The following CTNND1 variants were observed in gnomAD, a reference collection of about 807,000 sequenced individuals.
CTNND1 encodes catenin delta-1.
CTNND1 carries 16 observed loss-of-function variants against 112.1 expected under a neutral mutation model. That is an observed-to-expected ratio of 0.14 (90% CI 0.10 to 0.22). The LOEUF (loss-of-function observed/expected upper bound fraction) is 0.22. Ranked by LOEUF, CTNND1 falls within the 10% of genes least tolerant of loss-of-function variation. The pLI, the probability that CTNND1 is intolerant of heterozygous loss-of-function variation, is 1.00. For synonymous variants in CTNND1, 420 were observed against 446.5 expected (o/e 0.94, Z 0.75); for missense variants, 1,008 against 1,257.0 (o/e 0.80, Z 3.00).
At chr11:57,781,900 C>G (rs1433317451) in intron 1 of CTNND1, among the ~76,000 whole-genome samples, 1 of 152,088 alleles carries the variant, frequency 6.6e-6, no homozygotes, top group African/African-American at 2.4e-5. Context: ...GGCTTCAAAG[C>G]CAGCCCAGCA....
At chr11:57,816,123 C>G in intron 20 of CTNND1, 122 bp downstream of exon 20, 1 of 1,135,622 alleles carries the variant, frequency 8.8e-7, no homozygotes, top group East Asian at 2.5e-5. Context: ...ACATGGGGCT[C>G]GAGGGGTTCT....
chr11:57,815,374 A>G lies in CTNND1; in HGVS notation c.2702-20A>G. On this transcript the variant is annotated intron_variant, in intron 18 of 20. Coordinates refer to ENST00000399050, the MANE Select transcript of CTNND1 (RefSeq NM_001085458.2). ...AGAGGGGAATGTCATATTTCTGTGTACTTTTTTTTTTTTAACCAGATAACA... is the reference window on the plus strand; with the variant it reads ...AGAGGGGAATGTCATATTTCTGTGTGCTTTTTTTTTTTTAACCAGATAACA... The G allele has an allele frequency of 6.1e-6, 8 of 1,310,352 alleles. No homozygotes were observed. Among genetic ancestry groups the G allele is most frequent in the East Asian group, 2.4e-5 (1 of 42,468 alleles). The allele number at this position is 1,310,352 out of a possible 1,614,324, so 81.2% of individuals were successfully genotyped here.
chr11:57,791,306 T>C, intron 2 of CTNND1, 79 bp from the exon 3 acceptor site: 2 of 1,200,998 alleles, frequency 1.7e-6, no homozygotes, highest in Non-Finnish European at 2.1e-6. Context: ...GAGGGCATCT[T>C]TGGCTCTGGG....
intron 3 of CTNND1, 134 bp from the exon 4 acceptor site, chr11:57,793,876 G>A (rs1238408165): frequency 2.6e-6 from 2 of 777,152 alleles, no homozygotes; most frequent in African/African-American, 1.7e-5. Context: ...TCTTTTATGA[G>A]TACTGACACA....
intron 6 of CTNND1, among the ~76,000 whole-genome samples, chr11:57,798,435 G>A (rs1376860375): frequency 2.0e-5 from 3 of 151,860 alleles, no homozygotes; most frequent in Admixed American, 6.6e-5. Flanking sequence ...AGTTGAGGAC[G>A]TGTATAAGAA....
At chr11:57,787,072 A>G (rs2060217901) in intron 1 of CTNND1, among the ~76,000 whole-genome samples, 1 of 152,234 alleles carries the variant, frequency 6.6e-6, no homozygotes, top group South Asian at 2.1e-4. Context: ...TCTTATTTGC[A>G]ATAAAACTTC....
chr11:57,793,894 C>T lies in CTNND1; in HGVS notation c.196-116C>T. On this transcript the variant is annotated intron_variant, in intron 3 of 20. Transcript: ENST00000399050. The stretch of plus-strand genomic sequence containing the variant: ...TTTATGAGTACTGACACAAGGACTC[C>T]AGGCCACACATATCTTCTTGAAAGC... 3.2e-6 allele frequency: 3 copies of T among 947,912 alleles called. No individual in the cohort carries two copies. The South Asian group carries it at 4.1e-5, about 13-fold the overall frequency. 58.7% of individuals were successfully genotyped at this position (947,912 alleles called of 1,614,324 possible).
chr11:57,794,309 C>T (rs191558740), intron 4 of CTNND1, among the ~76,000 whole-genome samples: 1 of 152,194 alleles, frequency 6.6e-6, no homozygotes, highest in South Asian at 2.1e-4. Flanking sequence ...CTCCTCCCCA[C>T]TGCCACCCCA....
rs2063847384 is a variant in CTNND1 at position 57,815,459 on chromosome 11, C to G, written c.2767C>G (p.Leu923Val). Reference protein sequence around the residue: ...HNRTLDRSGDLGDMEPLKGTT... With the variant: ...HNRTLDRSGDVGDMEPLKGTT... ...TAGAACACTGGATCGATCGGGGGAT[C>G]TAGGCGACATGGAGCCATTGAAGGG... Residue 923 changes from leucine to valine, a missense_variant, in exon 19 of 21, where the codon CTA becomes GTA. This residue lies in a region of CTNND1 where 106 missense variants were observed against 116.2 expected (regional missense o/e 0.91). Coordinates refer to ENST00000399050, the MANE Select transcript of CTNND1 (RefSeq NM_001085458.2). The G allele has an allele frequency of 6.2e-7, 1 of 1,612,448 alleles. No individual in the cohort carries two copies. The highest frequency in any genetic ancestry group is 1.1e-5 in the South Asian group (1 of 90,782).
rs1344537782 is a variant in CTNND1, at chr11:57,785,086, G to C, written c.-213-3951G>C. Among the ~76,000 whole-genome samples, 4 of 152,264 alleles carry C rather than the reference G, an allele frequency of 2.6e-5. No homozygotes were observed. In the East Asian group the frequency reaches 7.7e-4, roughly 29 times the overall value. On this transcript the variant is annotated intron_variant, in intron 1 of 20. Coordinates refer to ENST00000399050, the MANE Select transcript of CTNND1 (RefSeq NM_001085458.2). The stretch of plus-strand genomic sequence containing the variant: ...CCCCAGTCTTTTGACCCCTAATCTG[G>C]AGTTTTATTTTGTTTTTCCCTCTAA...
intron 1 of CTNND1, among the ~76,000 whole-genome samples, chr11:57,767,157 G>T (rs1387146121): frequency 6.6e-6 from 1 of 152,044 alleles, no homozygotes; most frequent in African/African-American, 2.4e-5. Context: ...ATATTTAGTA[G>T]GGATGGGTTT....
chr11:57,768,797 C>T (rs2135981696), intron 1 of CTNND1, among the ~76,000 whole-genome samples: 1 of 152,130 alleles, frequency 6.6e-6, no homozygotes, highest in Admixed American at 6.6e-5. Flanking sequence ...AAGGAGTCAG[C>T]TTTTATATGT....
At chr11:57,780,539 AC>A (rs2059466410) in intron 1 of CTNND1, among the ~76,000 whole-genome samples, 2 of 152,192 alleles carry the variant, frequency 1.3e-5, no homozygotes, top group South Asian at 4.1e-4. Context: ...AGAGGCCATT[AC>A]CTCAGCAGGT....
chr11:57,806,688 A>G (rs970673305), intron 11 of CTNND1: 1 of 633,140 alleles, frequency 1.6e-6, no homozygotes, highest in African/African-American at 1.8e-5. Context: ...AACTCAGGAC[A>G]ATAGCATCAA....
chr11:57,789,107 T>C lies in CTNND1; in HGVS notation c.-143T>C, dbSNP rs2060424862. 6.5e-7 allele frequency: 1 copy of C among 1,535,672 alleles called. No individual in the cohort carries two copies. The highest frequency in any genetic ancestry group is 1.4e-5 in the African/African-American group (1 of 73,050). On this transcript the variant is annotated 5_prime_UTR_variant, in exon 2 of 21. Coordinates refer to ENST00000399050, the MANE Select transcript of CTNND1 (RefSeq NM_001085458.2). ...CTTCCATGATTTTTTGAATCTAGAC[T>C]GGGCTGTTCTCTGTGTTAAACCAAT...
chr11:57,767,099 G>A (rs942556528), intron 1 of CTNND1, among the ~76,000 whole-genome samples: 1 of 151,904 alleles, frequency 6.6e-6, no homozygotes, highest in African/African-American at 2.4e-5. Context: ...AGCCTCCCAA[G>A]TAGCTGGGAC....
chr11:57,790,558 T>C (rs2060615485), intron 2 of CTNND1, among the ~76,000 whole-genome samples: 1 of 139,608 alleles, frequency 7.2e-6, no homozygotes, highest in African/African-American at 2.7e-5. Context: ...GTGTGTTTTT[T>C]TTTTTTTTTT....
At chr11:57,785,625 C>T (rs140735653) in intron 1 of CTNND1, among the ~76,000 whole-genome samples, 36 of 152,176 alleles carry the variant, frequency 2.4e-4, no homozygotes, top group African/African-American at 6.7e-4. Flanking sequence ...TCTCGGCTCA[C>T]TGCAACCTCC....
chr11:57,783,564 C>A (rs1359459953), intron 1 of CTNND1, among the ~76,000 whole-genome samples: 1 of 151,360 alleles, frequency 6.6e-6, no homozygotes, highest in African/African-American at 2.4e-5. Flanking sequence ...GAGGCTGAGG[C>A]AGGAGAATGC....
Sources: allele counts gnomAD v4.1 joint callset (sites outside exome capture counted in the v4.1 genomes callset), GRCh38; gene constraint gnomAD v4.1.1; regional missense constraint gnomAD v4.1.1; transcripts MANE v1.5; gene names NCBI Gene and HGNC (gene_info 2026-07-23, HGNC 2026-07-21).